Variants in MYH14 observed in about 807,000 individuals in gnomAD.
MYH14 encodes the protein myosin heavy chain 14.
Under a neutral mutation model 255.5 loss-of-function variants are expected in MYH14, and 123 were observed. The ratio of observed to expected loss-of-function variants is 0.48; its 90% CI spans 0.42 to 0.56. The LOEUF is 0.56. MYH14 is among the 20% of genes least tolerant of loss of function. The probability of loss-of-function intolerance (pLI) is 0.00; values close to 1 mark genes in which losing one functional copy is unlikely to be tolerated. For missense variants in MYH14, 2,423 were observed against 2,802.3 expected (o/e 0.86, Z 3.06); for synonymous variants, 1,095 against 1,161.2 (o/e 0.94, Z 1.16).
chr19:50,305,217 G>A (rs2036615631), intron 40 of MYH14, among the ~76,000 whole-genome samples: 1 of 151,976 alleles, frequency 6.6e-6, no homozygotes, highest in African/African-American at 2.4e-5. Context: ...AGGTTTGGAA[G>A]GAGTCTGGAA....
rs1466065825 is a variant in MYH14, at chr19:50,272,741, G to T, written c.3467+10G>T. The T allele has an allele frequency of 2.6e-6, 4 of 1,549,422 alleles. No individual in the cohort carries two copies. Among genetic ancestry groups the T allele is most frequent in the Non-Finnish European group, 3.5e-6 (4 of 1,146,888 alleles). Reference sequence around the variant, plus strand: ...AGGCTGCCCTGGCCAGGTGCAGGGTGGGGTGGGCTTGGTGGGGTAAGCAGC... The same window carrying T: ...AGGCTGCCCTGGCCAGGTGCAGGGTTGGGTGGGCTTGGTGGGGTAAGCAGC... On this transcript the variant is annotated intron_variant, in intron 27 of 42. Transcript: ENST00000642316.
rs1274407195 is a variant in MYH14, at chr19:50,276,706, T to C, written c.3681-51T>C. 2 of 1,611,768 alleles carry C rather than the reference T, an allele frequency of 1.2e-6. No individual in the cohort carries two copies. Among genetic ancestry groups the C allele is most frequent in the Non-Finnish European group, 1.7e-6 (2 of 1,179,400 alleles). On this transcript the variant is annotated intron_variant, in intron 28 of 42. Coordinates refer to ENST00000642316, the MANE Select transcript of MYH14 (RefSeq NM_001145809.2). This position sits in a 1 kb window ranked among gnomAD's most constrained non-coding sequence, Gnocchi z 4.3. Reference sequence around the variant, plus strand: ...AAACAACCAGCTCCCCCAAAGCCCCTGCCTTCCTCTGCTCTGAAATTCCCA... The same window carrying C: ...AAACAACCAGCTCCCCCAAAGCCCCCGCCTTCCTCTGCTCTGAAATTCCCA...
At chr19:50,274,431 A>T (rs1275520400) in intron 27 of MYH14, among the ~76,000 whole-genome samples, 2 of 152,088 alleles carry the variant, frequency 1.3e-5, no homozygotes, top group African/African-American at 2.4e-5. Flanking sequence ...AGTGGCTGGG[A>T]CTACAGGTGC....
At chr19:50,244,937 G>A (rs537216259) in intron 11 of MYH14, among the ~76,000 whole-genome samples, 111 of 152,300 alleles carry the variant, frequency 7.3e-4, no homozygotes, top group African/African-American at 2.6e-3. Context: ...CCCACAGGGA[G>A]CCACCATTAG....
intron 10 of MYH14, among the ~76,000 whole-genome samples, chr19:50,241,211 C>T (rs545936746): frequency 5.9e-5 from 9 of 152,146 alleles, no homozygotes; most frequent in African/African-American, 2.2e-4. Context: ...CCCAGGCGGG[C>T]GGATCACGAG....
Position 50,266,388 on chromosome 19 carries a change from C to G in MYH14, c.2695-489C>G, listed in dbSNP as rs2035081312. Among the ~76,000 whole-genome samples, 1 of 152,138 alleles carries G rather than the reference C, an allele frequency of 6.6e-6. No homozygotes were observed. Among genetic ancestry groups the G allele is most frequent in the South Asian group, 2.1e-4 (1 of 4,824 alleles). ...CCAGCCTGGCCAACATAGCGAAACCCTCTCTACTGAAAGCACAAAAATTAG... is the reference window on the plus strand; with the variant it reads ...CCAGCCTGGCCAACATAGCGAAACCGTCTCTACTGAAAGCACAAAAATTAG... On this transcript the variant is annotated intron_variant, in intron 22 of 42. Transcript: ENST00000642316. This position sits in a 1 kb window ranked among gnomAD's most constrained non-coding sequence, Gnocchi z 4.1.
intron 11 of MYH14, 28 bp from the exon 12 acceptor site, chr19:50,246,976 A>G: frequency 6.5e-7 from 1 of 1,536,454 alleles, no homozygotes; most frequent in African/African-American, 1.4e-5. Context: ...CCCAGTGCTG[A>G]TGGAATCTTG....
At chr19:50,307,534 C>G (rs1393706758) in intron 41 of MYH14, among the ~76,000 whole-genome samples, 1 of 152,094 alleles carries the variant, frequency 6.6e-6, no homozygotes, top group Non-Finnish European at 1.5e-5. Context: ...CTATTATTTA[C>G]CCTCTTATTT....
intron 10 of MYH14, among the ~76,000 whole-genome samples, chr19:50,235,740 C>T (rs2033629788): frequency 1.3e-5 from 2 of 151,860 alleles, no homozygotes; most frequent in South Asian, 2.1e-4. Flanking sequence ...GCTATGATTG[C>T]ACCACTGTAC....
chr19:50,241,440 A>C (rs1438361982), intron 10 of MYH14, among the ~76,000 whole-genome samples: 1 of 151,306 alleles, frequency 6.6e-6, no homozygotes, highest in Non-Finnish European at 1.5e-5. Flanking sequence ...TCTCAAAAGA[A>C]AAAAAAAAGA....
chr19:50,231,051 T>A (rs2033359054), intron 9 of MYH14: 1 of 205,026 alleles, frequency 4.9e-6, no homozygotes, highest in African/African-American at 2.3e-5. Context: ...CTGCTCTGGC[T>A]CCTAGGCCAC....
rs2034874817 is a variant in MYH14 at position 50,261,525 on chromosome 19, G to A, written c.2475G>A (p.Lys825=). ...ACCTCTACCGCGTGGGACAGAGCAA[G>A]ATCTTCTTCCGGGCTGGGGTCCTGG... ...DPNLYRVGQS[K]IFFRAGVLAQ... is the part of the protein sequence containing the mutation. The change falls in exon 21 of 43, where the codon AAG becomes AAA. Residue 825 remains lysine, a synonymous_variant. Transcript: ENST00000642316. 1.3e-6 allele frequency: 2 copies of A among 1,585,076 alleles called. No homozygotes were observed. Among genetic ancestry groups the A allele is most frequent in the East Asian group, 2.3e-5 (1 of 43,040 alleles).
Position 50,280,005 on chromosome 19 carries a change from T to TGGA in MYH14, c.4033-29_4033-27dup. 6.6e-7 allele frequency: 1 copy of TGGA among 1,524,078 alleles called. No individual in the cohort carries two copies. Among genetic ancestry groups the TGGA allele is most frequent in the Non-Finnish European group, 9.0e-7 (1 of 1,111,328 alleles). 94.4% of individuals were successfully genotyped at this position (1,524,078 alleles called of 1,614,324 possible). A position where few individuals can be genotyped will look rare whatever the true frequency, so the allele number is the denominator to read the frequency against. On this transcript the variant is annotated intron_variant, in intron 30 of 42. Coordinates refer to ENST00000642316, the MANE Select transcript of MYH14 (RefSeq NM_001145809.2). This position sits in a 1 kb window ranked among gnomAD's most constrained non-coding sequence, Gnocchi z 4.8. ...GGGGTCACTGGGTGGAAGCCACGAT[T>TGGA]GGAGGGCTTCATTCCCGTCCCTTCC...
chr19:50,239,955 A>G (rs1323814769), intron 10 of MYH14, among the ~76,000 whole-genome samples: 1 of 152,034 alleles, frequency 6.6e-6, no homozygotes, highest in African/African-American at 2.4e-5. Context: ...GGGAGGGAAC[A>G]CCCTGTATAT....
Position 50,258,311 on chromosome 19 carries a change from G to A in MYH14, c.2232+825G>A, listed in dbSNP as rs116952934. 446 of 152,236 alleles carry A rather than the reference G, an allele frequency of 2.9e-3. 1 individual carries two copies. Among genetic ancestry groups the A allele is most frequent in the Non-Finnish European group, 5.1e-3 (344 of 68,032 alleles). 9.4% of individuals were successfully genotyped at this position (152,236 alleles called of 1,614,324 possible). Reference sequence around the variant, plus strand: ...GAAGTCGAGATGTAGCTTAGTCAACGGCCTGTCAGGGTTTAATTACCAGTC... The same window carrying A: ...GAAGTCGAGATGTAGCTTAGTCAACAGCCTGTCAGGGTTTAATTACCAGTC... On this transcript the variant is annotated intron_variant, in intron 18 of 42. Transcript: ENST00000642316.
At chr19:50,279,888 A>G (rs893539488) in intron 30 of MYH14, 149 bp from the exon 31 acceptor site, 5 of 697,900 alleles carry the variant, frequency 7.2e-6, no homozygotes, top group East Asian at 2.7e-5. Flanking sequence ...TGGGAACCCT[A>G]TGTTTAAGCA....
Position 50,281,612 on chromosome 19 carries a change from C to T in MYH14, c.4309C>T (p.Arg1437Cys), listed in dbSNP as rs763530993. Residue 1437 changes from arginine to cysteine, a missense_variant, in exon 33 of 43, where the codon CGC becomes TGC. Physicochemically the swap from Arg to Cys is radical, Grantham distance 180 (BLOSUM62 -3). Coordinates refer to ENST00000642316, the MANE Select transcript of MYH14 (RefSeq NM_001145809.2). Reference sequence around the variant, plus strand: ...CCCTCAGCTTTCCGAGTGGCGGCGGCGCCAGGAGGAGGAGGCAGGGGCACT... The same window carrying T: ...CCCTCAGCTTTCCGAGTGGCGGCGGTGCCAGGAGGAGGAGGCAGGGGCACT... ...AQAQLSEWRR[R>C]QEEEAGALEA... 9 of 1,591,984 alleles carry T rather than the reference C, an allele frequency of 5.7e-6. 1 individual carries two copies. Among genetic ancestry groups the T allele is most frequent in the Middle Eastern group, 2.2e-4 (1 of 4,548 alleles).
Position 50,293,211 on chromosome 19 carries a change from G to A in MYH14, c.5257-22G>A, listed in dbSNP as rs545526749. 4 of 1,574,018 alleles carry A rather than the reference G, an allele frequency of 2.5e-6. No homozygotes were observed. The highest frequency in any genetic ancestry group is 1.2e-5 in the South Asian group (1 of 85,976). ...CAGATTGCTTCTCCTCACACCCACC[G>A]GCCACCCCTCCATCATCACAGGAAC... On this transcript the variant is annotated intron_variant, in intron 37 of 42. Transcript: ENST00000642316. The surrounding 1 kb of genome is among the most constrained non-coding windows in gnomAD (Gnocchi z 4.1).
intron 27 of MYH14, among the ~76,000 whole-genome samples, chr19:50,275,181 G>T (rs1209935394): frequency 1.3e-5 from 2 of 152,146 alleles, no homozygotes; most frequent in South Asian, 4.1e-4. Flanking sequence ...GGAGCAGGGG[G>T]CCAGGAGAGG....
Sources: gnomAD v4.1 joint callset for allele counts (sites outside exome capture counted in the v4.1 genomes callset) on GRCh38, gnomAD v4.1.1 for gene constraint, Gnocchi (gnomAD v3.1) non-coding constraint, MANE v1.5 for transcripts, NCBI Gene and HGNC (gene_info 2026-07-23, HGNC 2026-07-21) for gene names.